ORAI3: variants seen among roughly 807,000 people sequenced by gnomAD.
The protein encoded by ORAI3 is ORAI calcium release-activated calcium modulator 3, also known as protein orai-3.
Under a neutral mutation model 17.2 loss-of-function variants are expected in ORAI3, and 15 were observed. That is an observed-to-expected ratio of 0.87 (90% CI 0.58 to 1.34). The LOEUF (loss-of-function observed/expected upper bound fraction) is 1.34. Among genes scored for constraint, ORAI3 ranks in the 40% most tolerant of loss-of-function variants. ORAI3 has a pLI of 0.00. For synonymous variants in ORAI3, 178 were observed against 172.4 expected (o/e 1.03, Z -0.25); for missense variants, 405 against 396.7 (o/e 1.02, Z -0.18).
At position 30,953,612 on chromosome 16, in the gene ORAI3, C is replaced by A. The variant is rs145840723; in HGVS notation, c.656C>A (p.Pro219Gln). The change falls in exon 2 of 2, where the codon CCG (proline) becomes CAG (glutamine). Residue 219 changes from proline (P) to glutamine (Q), a missense_variant. Pro to Gln is a moderately conservative substitution (Grantham distance 76). Coordinates refer to ENST00000318663, the MANE Select transcript of ORAI3 (RefSeq NM_152288.3). ...CCACGGTCCTCTGCGTCTGCAGCAC[C>A]GTCCCAAGCTGAGCCAGCCTGCCCA... The part of the protein sequence containing the change: ...NLPRSSASAA[P>Q]SQAEPACPPR... The A allele has an allele frequency of 3.7e-6, 6 of 1,614,188 alleles. No individual in the cohort carries two copies. Among genetic ancestry groups the A allele is most frequent in the Non-Finnish European group, 5.1e-6 (6 of 1,180,030 alleles).
intron 1 of ORAI3, among the ~76,000 whole-genome samples, chr16:30,952,953 G>A (rs2143419376): frequency 6.6e-6 from 1 of 152,276 alleles, no homozygotes; most frequent in African/African-American, 2.4e-5. Context: ...GGCATGAACC[G>A]CCGCGCCCGG....
chr16:30,953,545 C>G lies in ORAI3; in HGVS notation c.589C>G (p.Leu197Val), dbSNP rs768019910. 6.2e-7 allele frequency: 1 copy of G among 1,614,258 alleles called. No individual in the cohort carries two copies. The highest frequency in any genetic ancestry group is 8.5e-7 in the Non-Finnish European group (1 of 1,180,030). ...GCCCACATCCCGGGTGCCCGGGACTCTGGCACCAGTGGCTACCTCCCTTAG... is the reference window on the plus strand; with the variant it reads ...GCCCACATCCCGGGTGCCCGGGACTGTGGCACCAGTGGCTACCTCCCTTAG... ...MVPTSRVPGT[L>V]APVATSLSPA... The change falls in exon 2 of 2, where the codon CTG becomes GTG. Residue 197 changes from leucine to valine, a missense_variant. Physicochemically the swap from Leu to Val is conservative, Grantham distance 32 (BLOSUM62 1). Coordinates refer to ENST00000318663, the MANE Select transcript of ORAI3 (RefSeq NM_152288.3).
chr16:30,952,105 T>C (rs2055927248), intron 1 of ORAI3, among the ~76,000 whole-genome samples: 1 of 147,542 alleles, frequency 6.8e-6, no homozygotes, highest in African/African-American at 2.5e-5. Context: ...TCTTTTTCTT[T>C]CTTTCTTTTC....
rs768870114 is a variant in ORAI3, at chr16:30,949,280, C to A, written c.-10C>A. The A allele has an allele frequency of 5.7e-6, 8 of 1,394,868 alleles. No individual in the cohort carries two copies. The African/African-American group carries it at 1.1e-4, about 19-fold the overall frequency. 86.4% of individuals were successfully genotyped at this position (1,394,868 alleles called of 1,614,324 possible). A position where few individuals can be genotyped will look rare whatever the true frequency, so the allele number is the denominator to read the frequency against. On this transcript the variant is annotated 5_prime_UTR_variant, in exon 1 of 2. Coordinates refer to ENST00000318663, the MANE Select transcript of ORAI3 (RefSeq NM_152288.3). ...CCGTAGTGACCGCCTGGTGCCGCCC[C>A]CCCCCCAGGATGAAGGGCGGCGAGG... is the stretch of plus-strand genomic sequence containing the variant.
intron 1 of ORAI3, among the ~76,000 whole-genome samples, chr16:30,951,724 G>GA (rs1342523881): frequency 6.6e-6 from 1 of 151,002 alleles, no homozygotes; most frequent in African/African-American, 2.4e-5. Flanking sequence ...AAAAAAAAAA[G>GA]AGAGACCCCA....
intron 1 of ORAI3, among the ~76,000 whole-genome samples, chr16:30,950,825 G>A (rs1482614939): frequency 2.6e-5 from 4 of 152,176 alleles, no homozygotes; most frequent in Non-Finnish European, 5.9e-5. Flanking sequence ...CCAAGCTGAG[G>A]GAGGTCAACC....
intron 1 of ORAI3, among the ~76,000 whole-genome samples, chr16:30,950,757 G>A (rs148315715): frequency 8.2e-4 from 125 of 152,266 alleles, no homozygotes; most frequent in Non-Finnish European, 1.6e-3. Flanking sequence ...CATCACCTAG[G>A]GACAGGATGT....
chr16:30,953,776 A>G lies in ORAI3; in HGVS notation c.820A>G (p.Lys274Glu), dbSNP rs773292935. 3.7e-6 allele frequency: 6 copies of G among 1,613,950 alleles called. No individual in the cohort carries two copies. The highest frequency in any genetic ancestry group is 5.1e-6 in the Non-Finnish European group (6 of 1,180,016). ...TTTCTACCGCTCCTTGGTGGCACAC[A>G]AGACAGACCGCTACAAGCAGGAACT... ...LHFYRSLVAHKTDRYKQELEE... is the reference protein window; with the variant it reads ...LHFYRSLVAHETDRYKQELEE... The change falls in exon 2 of 2, where the codon AAG becomes GAG. Residue 274 changes from lysine to glutamate, a missense_variant. By Grantham distance (56) the Lys-to-Glu change is moderately conservative. Transcript: ENST00000318663.
rs577370840 is a variant in ORAI3 at position 30,949,082 on chromosome 16, C to T, written c.-208C>T. On this transcript the variant is annotated 5_prime_UTR_variant, in exon 1 of 2. Transcript: ENST00000318663. Reference sequence around the variant, plus strand: ...GCCTCTGTCCCAGTTCCTGTTTTGGCCTCCGCTGTCCCGCTCCGGCTCCTG... The same window carrying T: ...GCCTCTGTCCCAGTTCCTGTTTTGGTCTCCGCTGTCCCGCTCCGGCTCCTG... 221 of 444,666 alleles carry T rather than the reference C, an allele frequency of 5.0e-4. 2 individuals carry two copies. In the East Asian group the frequency reaches 7.8e-3, roughly 16 times the overall value. 27.5% of individuals were successfully genotyped at this position (444,666 alleles called of 1,614,324 possible). A position where few individuals can be genotyped will look rare whatever the true frequency, so the allele number is the denominator to read the frequency against.
intron 1 of ORAI3, among the ~76,000 whole-genome samples, chr16:30,951,676 C>T (rs765405445): frequency 2.0e-5 from 3 of 151,404 alleles, no homozygotes; most frequent in Non-Finnish European, 2.9e-5. Flanking sequence ...CGAGTCCAGC[C>T]AGCCTGGGCA....
At position 30,953,627 on chromosome 16, in the gene ORAI3, C is replaced by G; in HGVS notation, c.671C>G (p.Pro224Arg). ...TCTGCAGCACCGTCCCAAGCTGAGC[C>G]AGCCTGCCCACCCCGGCAAGCCTGT... Reference protein sequence around the residue: ...SASAAPSQAEPACPPRQACGG... With the variant: ...SASAAPSQAERACPPRQACGG... The change falls in exon 2 of 2, where the codon CCA becomes CGA. Residue 224 changes from proline (P) to arginine (R), a missense_variant. Transcript: ENST00000318663. 1 of 1,613,768 alleles carries G rather than the reference C, an allele frequency of 6.2e-7. No individual in the cohort carries two copies. The highest frequency in any genetic ancestry group is 8.5e-7 in the Non-Finnish European group (1 of 1,179,792).
rs773401498 is a variant in ORAI3, at chr16:30,949,371, C to G, written c.82C>G (p.Arg28Gly). Residue 28 changes from arginine to glycine, a missense_variant, in exon 1 of 2, where the codon CGG becomes GGG. By Grantham distance (125) the Arg-to-Gly change is moderately radical. Coordinates refer to ENST00000318663, the MANE Select transcript of ORAI3 (RefSeq NM_152288.3). The part of the protein sequence containing the change: ...GESPAGSATY[R>G]EFVHRGYLDL... Reference sequence around the variant, plus strand: ...GAGCCCTGCAGGCTCGGCCACGTACCGGGAGTTCGTGCACCGCGGCTACCT... The same window carrying G: ...GAGCCCTGCAGGCTCGGCCACGTACGGGGAGTTCGTGCACCGCGGCTACCT... The G allele has an allele frequency of 6.1e-5, 96 of 1,572,178 alleles. No homozygotes were observed. The highest frequency in any genetic ancestry group is 8.3e-5 in the Non-Finnish European group (96 of 1,161,174).
rs907387167 is a variant in ORAI3 at position 30,949,086 on chromosome 16, C to G, written c.-204C>G. ...CTGTCCCAGTTCCTGTTTTGGCCTC[C>G]GCTGTCCCGCTCCGGCTCCTGGGGC... On this transcript the variant is annotated 5_prime_UTR_variant, in exon 1 of 2. Transcript: ENST00000318663. 2.1e-6 allele frequency: 1 copy of G among 468,402 alleles called. No homozygotes were observed. Among genetic ancestry groups the G allele is most frequent in the Non-Finnish European group, 3.7e-6 (1 of 269,536 alleles). The allele number at this position is 468,402 out of a possible 1,614,324, so 29.0% of individuals were successfully genotyped here.
In ORAI3 at chr16:30,953,198, A is replaced by C. The variant is rs2055932514; in HGVS notation, c.242A>C (p.Glu81Ala). 6.3e-7 allele frequency: 1 copy of C among 1,576,430 alleles called. No individual in the cohort carries two copies. Among genetic ancestry groups the C allele is most frequent in the African/African-American group, 1.3e-5 (1 of 74,158 alleles). Residue 81 changes from glutamate to alanine, a missense_variant, in exon 2 of 2, where the codon GAG (glutamate) becomes GCG (alanine). Transcript: ENST00000318663. ...LSGFAMVAMV[E>A]VQLESDHEYP... ...TTGTCCCTGCAGGTGGCCATGGTGG[A>C]GGTGCAGCTGGAGAGTGACCACGAG... is the stretch of plus-strand genomic sequence containing the variant.
chr16:30,953,263 A>G lies in ORAI3; in HGVS notation c.307A>G (p.Thr103Ala). The change falls in exon 2 of 2, where the codon ACC becomes GCC. Residue 103 changes from threonine to alanine, a missense_variant. Coordinates refer to ENST00000318663, the MANE Select transcript of ORAI3 (RefSeq NM_152288.3). Reference sequence around the variant, plus strand: ...GCTGGTGGCCTTCAGTGCCTGCACCACCGTGCTGGTGGCTGTGCACCTCTT... The same window carrying G: ...GCTGGTGGCCTTCAGTGCCTGCACCGCCGTGCTGGTGGCTGTGCACCTCTT... ...GLLVAFSACT[T>A]VLVAVHLFAL... 6.2e-7 allele frequency: 1 copy of G among 1,613,068 alleles called. No individual in the cohort carries two copies. The highest frequency in any genetic ancestry group is 1.7e-4 in the Middle Eastern group (1 of 6,060).
Position 30,953,549 on chromosome 16 carries a change from C to A in ORAI3, c.593C>A (p.Ala198Glu), listed in dbSNP as rs776263249. Residue 198 changes from alanine to glutamate, a missense_variant, in exon 2 of 2, where the codon GCA becomes GAA. Physicochemically the swap from Ala to Glu is moderately radical, Grantham distance 107. Transcript: ENST00000318663. The stretch of plus-strand genomic sequence containing the variant: ...ACATCCCGGGTGCCCGGGACTCTGG[C>A]ACCAGTGGCTACCTCCCTTAGTCCA... ...VPTSRVPGTL[A>E]PVATSLSPAS... 6.2e-7 allele frequency: 1 copy of A among 1,614,240 alleles called. No homozygotes were observed. The highest frequency in any genetic ancestry group is 8.5e-7 in the Non-Finnish European group (1 of 1,180,028).
rs1470018914 is a variant in ORAI3 at position 30,953,870 on chromosome 16, C to T, written c.*26C>T. 3 of 1,586,652 alleles carry T rather than the reference C, an allele frequency of 1.9e-6. No individual in the cohort carries two copies. The highest frequency in any genetic ancestry group is 1.7e-6 in the Non-Finnish European group (2 of 1,168,578). ...GACTGGTGTTAGCCACCGCTCACTG[C>T]AAGCACTGCCTCCCTCCGGGGTCTG... On this transcript the variant is annotated 3_prime_UTR_variant, in exon 2 of 2. Transcript: ENST00000318663.
rs1312825554 is a variant in ORAI3, at chr16:30,949,514, C to T, written c.225C>T (p.Ala75=). 8 of 1,576,062 alleles carry T rather than the reference C, an allele frequency of 5.1e-6. No individual in the cohort carries two copies. In the South Asian group the frequency reaches 9.1e-5, roughly 18 times the overall value. The change falls in exon 1 of 2, where the codon GCC becomes GCT. Residue 75 remains alanine, a synonymous_variant. Transcript: ENST00000318663. ...SRTSALLSGF[A]MVAMVEVQLE... ...CGTCTGCCTTGCTCTCGGGCTTCGC[C>T]ATGGTGAGGGGCCGGGAGGGGTCAC...
In ORAI3 at chr16:30,953,903, C is replaced by A; in HGVS notation, c.*59C>A. On this transcript the variant is annotated 3_prime_UTR_variant, in exon 2 of 2. Coordinates refer to ENST00000318663, the MANE Select transcript of ORAI3 (RefSeq NM_152288.3). ...GCCTCCCTCCGGGGTCTGTAAGAGG[C>A]CGCAGGGGCCTACAGACCTCATCCC... is the stretch of plus-strand genomic sequence containing the variant. 1 of 1,536,692 alleles carries A rather than the reference C, an allele frequency of 6.5e-7. No homozygotes were observed. Among genetic ancestry groups the A allele is most frequent in the Non-Finnish European group, 8.8e-7 (1 of 1,136,666 alleles).
Sources: gnomAD v4.1 joint callset for allele counts (sites outside exome capture counted in the v4.1 genomes callset) on GRCh38, gnomAD v4.1.1 for gene constraint, MANE v1.5 for transcripts, NCBI Gene and HGNC (gene_info 2026-07-23, HGNC 2026-07-21) for gene names.